The following SPHKAP variants were observed in gnomAD, a reference collection of about 807,000 sequenced individuals.
The protein encoded by SPHKAP is SPHK1 interactor, AKAP domain containing, also known as A-kinase anchor protein SPHKAP.
In SPHKAP, 67 loss-of-function variants were observed where a neutral mutation model predicts 137.5. The ratio of observed to expected loss-of-function variants is 0.49; its 90% CI spans 0.40 to 0.60. The LOEUF (loss-of-function observed/expected upper bound fraction) is 0.60. SPHKAP is among the 20% of genes least tolerant of loss of function. The pLI is 0.00. For missense variants in SPHKAP, 2,097 were observed against 2,069.3 expected (o/e 1.01, Z -0.26); for synonymous variants, 813 against 785.3 (o/e 1.04, Z -0.59).
In SPHKAP at chr2:228,041,968, G is replaced by A. The variant is rs550294855; in HGVS notation, c.247-14425C>T. Among the ~76,000 whole-genome samples, 9 of 152,142 alleles carry A rather than the reference G, an allele frequency of 5.9e-5. No individual in the cohort carries two copies. The South Asian group carries it at 1.2e-3, about 21-fold the overall frequency. ...TTTACTAGTCGGCAGTCTTAAGGCC[G>A]AACCATAACTATGAGGACTACTCTT... On this transcript the variant is annotated intron_variant, in intron 3 of 11. Coordinates refer to ENST00000392056, the MANE Select transcript of SPHKAP (RefSeq NM_001142644.2).
Position 228,016,420 on chromosome 2 carries a change from A to G in SPHKAP, c.4434T>C (p.Ala1478=). Residue 1478 remains alanine (A), a synonymous_variant, in exon 7 of 12, where the codon GCT becomes GCC. Transcript: ENST00000392056. ...GATTCACTCACCTATGGATTTGACAAGCGCTCACGGCTGTGTCTCCACCTC... is the reference window on the plus strand; with the variant it reads ...GATTCACTCACCTATGGATTTGACAGGCGCTCACGGCTGTGTCTCCACCTC... The part of the protein sequence containing the change: ...VVRGGDTAVS[A]CQIHSDSLDT... 1 of 1,593,204 alleles carries G rather than the reference A, an allele frequency of 6.3e-7. No individual in the cohort carries two copies. Among genetic ancestry groups the G allele is most frequent in the Non-Finnish European group, 8.5e-7 (1 of 1,172,212 alleles).
chr2:227,991,321 A>G lies in SPHKAP; in HGVS notation c.4727T>C (p.Leu1576Ser), dbSNP rs760002471. The change falls in exon 10 of 12, where the codon TTA (leucine) becomes TCA (serine). Residue 1576 changes from leucine (L) to serine (S), a missense_variant. Physicochemically the swap from Leu to Ser is moderately radical, Grantham distance 145. Transcript: ENST00000392056. ...SMPSSPMINE[L>S]VEEKKILKGQ... ...TTTAAGAATCTTCTTTTCTTCTACT[A>G]ATTCACTTTGGGAGAAAACAACAGT... 6.2e-7 allele frequency: 1 copy of G among 1,614,208 alleles called. No individual in the cohort carries two copies. The highest frequency in any genetic ancestry group is 1.7e-5 in the Admixed American group (1 of 60,028).
At chr2:228,036,546 G>A (rs1695604998) in intron 3 of SPHKAP, among the ~76,000 whole-genome samples, 1 of 152,102 alleles carries the variant, frequency 6.6e-6, no homozygotes, top group Non-Finnish European at 1.5e-5. Context: ...TATACCCAAA[G>A]GATTATAAAT....
intron 3 of SPHKAP, among the ~76,000 whole-genome samples, chr2:228,056,741 A>G (rs2106281001): frequency 6.6e-6 from 1 of 152,306 alleles, no homozygotes; most frequent in African/African-American, 2.4e-5. Flanking sequence ...CTATCAGACA[A>G]CTTTAAAGTA....
At chr2:228,008,164 A>G (rs923790802) in intron 7 of SPHKAP, among the ~76,000 whole-genome samples, 3 of 152,106 alleles carry the variant, frequency 2.0e-5, no homozygotes, top group Non-Finnish European at 4.4e-5. Context: ...TCACAGAGCA[A>G]AAGTTTTTAA....
intron 3 of SPHKAP, among the ~76,000 whole-genome samples, chr2:228,034,156 G>A (rs1283959949): frequency 6.6e-6 from 1 of 151,750 alleles, no homozygotes; most frequent in African/African-American, 2.4e-5. Context: ...GAAGAAAAGA[G>A]AGAAGAATCA....
intron 1 of SPHKAP, among the ~76,000 whole-genome samples, chr2:228,162,901 G>T (rs1269633726): frequency 6.6e-6 from 1 of 152,156 alleles, no homozygotes; most frequent in East Asian, 1.9e-4. Flanking sequence ...GTTTCACCAT[G>T]TTGGTCAGGC....
chr2:228,135,188 C>T (rs1326419051), intron 1 of SPHKAP, among the ~76,000 whole-genome samples: 4 of 150,866 alleles, frequency 2.7e-5, no homozygotes, highest in Admixed American at 6.6e-5. Flanking sequence ...ACAGGAGAAT[C>T]GCTTCAACCC....
At chr2:228,043,964 C>G (rs140635478) in intron 3 of SPHKAP, among the ~76,000 whole-genome samples, 1 of 152,044 alleles carries the variant, frequency 6.6e-6, no homozygotes, top group East Asian at 1.9e-4. Context: ...CTGAACAGCT[C>G]AATTATTTTA....
chr2:228,129,007 A>C (rs1002870696), intron 2 of SPHKAP, among the ~76,000 whole-genome samples: 1 of 152,176 alleles, frequency 6.6e-6, no homozygotes, highest in Non-Finnish European at 1.5e-5. Flanking sequence ...GCCGTCACTT[A>C]AAGTTACCAG....
At chr2:227,996,178 T>G in intron 7 of SPHKAP, 4 of 975,268 alleles carry the variant, frequency 4.1e-6, no homozygotes, top group Non-Finnish European at 4.9e-6. Flanking sequence ...TGCACTGACT[T>G]GGTAAAAAGC....
intron 4 of SPHKAP, among the ~76,000 whole-genome samples, chr2:228,026,236 C>A (rs1361137056): frequency 6.6e-6 from 1 of 152,078 alleles, no homozygotes; most frequent in African/African-American, 2.4e-5. Flanking sequence ...ATGTAAATTG[C>A]CCAGTATCGG....
chr2:228,122,110 A>G (rs62201111), intron 2 of SPHKAP, among the ~76,000 whole-genome samples: 16,466 of 152,138 alleles, frequency 0.11, 1,126 homozygotes, highest in East Asian at 0.18. Flanking sequence ...GATATATTCA[A>G]TGTAAACTTG....
intron 3 of SPHKAP, among the ~76,000 whole-genome samples, chr2:228,071,493 C>T (rs1230734246): frequency 1.3e-5 from 2 of 152,208 alleles, no homozygotes; most frequent in African/African-American, 4.8e-5. Flanking sequence ...GCTTTACACT[C>T]TTTGGCTTCC....
intron 3 of SPHKAP, among the ~76,000 whole-genome samples, chr2:228,038,214 G>C (rs982426269): frequency 6.6e-6 from 1 of 152,200 alleles, no homozygotes; most frequent in Non-Finnish European, 1.5e-5. Flanking sequence ...CATGGGCCAC[G>C]TGTGCTGGAG....
At chr2:228,172,295 G>C (rs1207466997) in intron 1 of SPHKAP, among the ~76,000 whole-genome samples, 1 of 152,152 alleles carries the variant, frequency 6.6e-6, no homozygotes, top group Non-Finnish European at 1.5e-5. Flanking sequence ...ATTGATAACA[G>C]GATAAGTATG....
Position 228,012,234 on chromosome 2 carries a change from A to G in SPHKAP, c.4448+4172T>C, listed in dbSNP as rs1329130003. On this transcript the variant is annotated intron_variant, in intron 7 of 11. Transcript: ENST00000392056. ...CAATGCATTGTTATTTATTACATTC[A>G]CCATTCTGGGCAATAGATCACTAAA... 4.6e-5 allele frequency among the ~76,000 whole-genome samples: 7 copies of G among 151,358 alleles called. No homozygotes were observed. In the East Asian group the frequency reaches 5.8e-4, roughly 13 times the overall value.
chr2:228,166,268 A>G (rs1700420522), intron 1 of SPHKAP, among the ~76,000 whole-genome samples: 1 of 152,248 alleles, frequency 6.6e-6, no homozygotes, highest in African/African-American at 2.4e-5. Flanking sequence ...TGTTTATTAC[A>G]TAATTCATAT....
At chr2:228,106,616 A>G (rs1698351518) in intron 3 of SPHKAP, among the ~76,000 whole-genome samples, 1 of 152,200 alleles carries the variant, frequency 6.6e-6, no homozygotes, top group Non-Finnish European at 1.5e-5. Flanking sequence ...GGTTTTGAAA[A>G]GGAATTAAGT....
Sources: gnomAD v4.1 joint callset for allele counts (sites outside exome capture counted in the v4.1 genomes callset) on GRCh38, gnomAD v4.1.1 for gene constraint, MANE v1.5 for transcripts, NCBI Gene and HGNC (gene_info 2026-07-23, HGNC 2026-07-21) for gene names.